Variants in ELFN2 observed in about 807,000 individuals in gnomAD.
The protein encoded by ELFN2 is protein phosphatase 1 regulatory subunit 29.
A neutral mutation model predicts 45.5 loss-of-function variants in ELFN2; 17 were observed. The ratio of observed to expected loss-of-function variants is 0.37; its 90% CI spans 0.26 to 0.56. The LOEUF is 0.56. Among genes scored for constraint, ELFN2 ranks in the 20% least tolerant of loss-of-function variants. The pLI, the probability that ELFN2 is intolerant of heterozygous loss-of-function variation, is 0.77. For missense variants in ELFN2, 922 were observed against 1,183.2 expected, an observed-to-expected ratio of 0.78 and a Z score of 3.24; for synonymous variants, 550 against 551.5, an observed-to-expected ratio of 1.00 and a Z score of 0.04.
At chr22:37,361,183 T>G (rs1164366320) in intron 1 of ELFN2, among the ~76,000 whole-genome samples, 3 of 152,062 alleles carry the variant, frequency 2.0e-5, no homozygotes, top group Non-Finnish European at 4.4e-5. Context: ...AGAAGACTTG[T>G]GAGTTGACCC....
chr22:37,403,219 A>C, intron 2 of ELFN2, among the ~76,000 whole-genome samples: 2 of 125,340 alleles, frequency 1.6e-5, no homozygotes, highest in Non-Finnish European at 3.3e-5. Flanking sequence ...CTGTCCATCC[A>C]TTCATTCTGC....
chr22:37,386,062 C>T (rs937455880), intron 2 of ELFN2, among the ~76,000 whole-genome samples: 1 of 152,150 alleles, frequency 6.6e-6, no homozygotes, highest in East Asian at 1.9e-4. Context: ...CCACCCCAGG[C>T]CCACCTGTCA....
chr22:37,394,688 G>A lies in ELFN2; in HGVS notation c.-462-18692C>T, dbSNP rs749091975. ...ACAGCAATTTCATCCTACGGGCCGT[G>A]GTGACTGTCAACAGTGCCTCATACG... On this transcript the variant is annotated intron_variant, in intron 2 of 2. Transcript: ENST00000402918. 7.5e-4 allele frequency among the ~76,000 whole-genome samples: 114 copies of A among 152,196 alleles called. 2 individuals carry two copies. Among genetic ancestry groups the A allele is most frequent in the Admixed American group, 8.5e-4 (13 of 15,290 alleles).
chr22:37,413,782 T>C (rs1932712857), intron 2 of ELFN2, among the ~76,000 whole-genome samples: 1 of 152,208 alleles, frequency 6.6e-6, no homozygotes, highest in Non-Finnish European at 1.5e-5. Context: ...TTGATTTCTT[T>C]TGACAATTCA....
At chr22:37,365,343 C>A (rs1931180313), downstream of ELFN2, among the ~76,000 whole-genome samples, 1 of 152,144 alleles carries the variant, frequency 6.6e-6, no homozygotes, top group Non-Finnish European at 1.5e-5. Context: ...AAGTTCCTGG[C>A]CCAGTAGCTA....
intron 1 of ELFN2, among the ~76,000 whole-genome samples, chr22:37,345,324 A>T (rs912899748): frequency 2.6e-5 from 4 of 152,182 alleles, no homozygotes; most frequent in African/African-American, 9.7e-5. Context: ...AGTGGTATAC[A>T]GGCTTTGGAC....
At chr22:37,394,250 C>T (rs1932154056) in intron 2 of ELFN2, among the ~76,000 whole-genome samples, 1 of 152,224 alleles carries the variant, frequency 6.6e-6, no homozygotes, top group African/African-American at 2.4e-5. Context: ...TGCTGCCGCC[C>T]CTCCGTCCAA....
At chr22:37,395,865 G>A (rs1569138611) in intron 2 of ELFN2, among the ~76,000 whole-genome samples, 1 of 152,172 alleles carries the variant, frequency 6.6e-6, no homozygotes, top group Non-Finnish European at 1.5e-5. Context: ...GGGCTCAGGG[G>A]ACAAGCAGGG....
At chr22:37,349,173 A>G (rs1930765512) in intron 1 of ELFN2, among the ~76,000 whole-genome samples, 1 of 151,242 alleles carries the variant, frequency 6.6e-6, no homozygotes, top group South Asian at 2.1e-4. Flanking sequence ...CCCCGGCACC[A>G]GGAGGCCTGG....
At chr22:37,410,271 G>A (rs1932613651) in intron 2 of ELFN2, among the ~76,000 whole-genome samples, 1 of 152,160 alleles carries the variant, frequency 6.6e-6, no homozygotes, top group Admixed American at 6.5e-5. Flanking sequence ...GGGTGATCCT[G>A]CTCAGAGCAG....
chr22:37,387,235 T>G (rs940883109), intron 2 of ELFN2, among the ~76,000 whole-genome samples: 1 of 152,020 alleles, frequency 6.6e-6, no homozygotes, highest in African/African-American at 2.4e-5. Context: ...CACCCCCACC[T>G]TCAGCCTGTT....
intron 1 of ELFN2, among the ~76,000 whole-genome samples, chr22:37,356,996 A>C (rs1181545671): frequency 6.6e-6 from 1 of 152,186 alleles, no homozygotes; most frequent in Non-Finnish European, 1.5e-5. Context: ...TTTATTGCTT[A>C]AGTAAAATCA....
downstream of ELFN2, among the ~76,000 whole-genome samples, chr22:37,363,217 A>C (rs1161104829): frequency 6.6e-6 from 1 of 152,152 alleles, no homozygotes; most frequent in Admixed American, 6.5e-5. Flanking sequence ...TGCTTAAATT[A>C]GTTACAGAGA....
chr22:37,375,244 A>C lies in ELFN2; in HGVS notation c.291T>G (p.Gly97=), dbSNP rs757549295. The C allele has an allele frequency of 1.2e-6, 2 of 1,614,070 alleles. No individual in the cohort carries two copies. The highest frequency in any genetic ancestry group is 1.7e-6 in the Non-Finnish European group (2 of 1,180,010). The change falls in exon 3 of 3, where the codon GGT becomes GGG. Residue 97 remains glycine, a synonymous_variant. Transcript: ENST00000402918. ...GCAGGCTCGACTGGCCCAGGAAGGC[A>C]CCGTCCTCGATGTAGGAGATCTCGT... The part of the protein sequence containing the change: ...TKNEISYIED[G]AFLGQSSLQV...
In ELFN2 at chr22:37,386,269, G is replaced by A. The variant is rs377674571; in HGVS notation, c.-462-10273C>T. 1.2e-4 allele frequency among the ~76,000 whole-genome samples: 18 copies of A among 152,210 alleles called. No individual in the cohort carries two copies. The East Asian group carries it at 1.7e-3, about 15-fold the overall frequency. Reference sequence around the variant, plus strand: ...TGAAGCCACACCACAGCTCACCAAGGGGCCCTGGGGTTTCTGGAATGGCTC... The same window carrying A: ...TGAAGCCACACCACAGCTCACCAAGAGGCCCTGGGGTTTCTGGAATGGCTC... On this transcript the variant is annotated intron_variant, in intron 2 of 2. Coordinates refer to ENST00000402918, the MANE Select transcript of ELFN2 (RefSeq NM_052906.5).
intron 2 of ELFN2, among the ~76,000 whole-genome samples, chr22:37,413,104 G>C (rs1014915988): frequency 2.0e-5 from 3 of 152,232 alleles, no homozygotes; most frequent in African/African-American, 4.8e-5. Context: ...GACGGGGTGA[G>C]GTACAGGAAG....
rs780046795 is a variant in ELFN2 at position 37,375,290 on chromosome 22, G to T, written c.245C>A (p.Thr82Asn). ...YSSLNRFGNL[T>N]DLNLTKNEIS... ...CTCGTTCTTGGTGAGGTTGAGGTCGGTGAGGTTCCCAAAGCGGTTGAGCGA... is the reference window on the plus strand; with the variant it reads ...CTCGTTCTTGGTGAGGTTGAGGTCGTTGAGGTTCCCAAAGCGGTTGAGCGA... Residue 82 changes from threonine (T) to asparagine (N), a missense_variant, in exon 3 of 3, where the codon ACC (threonine) becomes AAC (asparagine). By Grantham distance (65) the Thr-to-Asn change is moderately conservative. Around this residue, in one of 2 missense-constraint regions of ELFN2, gnomAD observed 358 missense variants for 540.4 expected, o/e 0.66. Coordinates refer to ENST00000402918, the MANE Select transcript of ELFN2 (RefSeq NM_052906.5). 6.2e-7 allele frequency: 1 copy of T among 1,614,116 alleles called. No individual in the cohort carries two copies. Among genetic ancestry groups the T allele is most frequent in the South Asian group, 1.1e-5 (1 of 91,072 alleles).
At chr22:37,366,605 G>GGACC (rs1931212452), downstream of ELFN2, among the ~76,000 whole-genome samples, 1 of 152,236 alleles carries the variant, frequency 6.6e-6, no homozygotes, top group Non-Finnish European at 1.5e-5. Context: ...TTGGGTCCGG[G>GGACC]GACCATAGGG....
chr22:37,355,703 G>C (rs1302510977), intron 1 of ELFN2, among the ~76,000 whole-genome samples: 1 of 152,194 alleles, frequency 6.6e-6, no homozygotes, highest in Non-Finnish European at 1.5e-5. Context: ...TGTGGTCTCA[G>C]GCCTTCTGAG....
Sources: allele counts gnomAD v4.1 joint callset (sites outside exome capture counted in the v4.1 genomes callset), GRCh38; gene constraint gnomAD v4.1.1; regional missense constraint gnomAD v4.1.1; transcripts MANE v1.5; gene names NCBI Gene and HGNC (gene_info 2026-07-23, HGNC 2026-07-21).